SNX14: variants seen among roughly 807,000 people sequenced by gnomAD.
SNX14 encodes the protein sorting nexin 14, also known as sorting nexin-14.
SNX14 carries 93 observed loss-of-function variants against 133.8 expected under a neutral mutation model. The observed-to-expected ratio is 0.70, with a 90% CI of 0.59 to 0.83. SNX14 has a LOEUF of 0.83. Among genes scored for constraint, SNX14 ranks in the 40% least tolerant of loss-of-function variants. The probability of loss-of-function intolerance (pLI) is 0.00; values close to 1 mark genes in which losing one functional copy is unlikely to be tolerated. For missense variants in SNX14, 945 were observed against 1,094.9 expected (o/e 0.86, Z 1.93); for synonymous variants, 368 against 365.6 (o/e 1.01, Z -0.07).
chr6:85,518,051 G>T lies in SNX14; in HGVS notation c.2108-3C>A. ...AGGAACAGATTTTATAATTTTCCCTGCAATTAAAAGTAAAACATTATTTTA... is the reference window on the plus strand; with the variant it reads ...AGGAACAGATTTTATAATTTTCCCTTCAATTAAAAGTAAAACATTATTTTA... On this transcript the variant is annotated splice_region_variant and splice_polypyrimidine_tract_variant and intron_variant, in intron 21 of 28. Transcript: ENST00000314673. The T allele has an allele frequency of 1.2e-6, 2 of 1,600,202 alleles. No homozygotes were observed. Among genetic ancestry groups the T allele is most frequent in the Non-Finnish European group, 1.7e-6 (2 of 1,171,382 alleles).
Position 85,511,795 on chromosome 6 carries a change from G to A in SNX14, c.2653+2005C>T, listed in dbSNP as rs138220429. 1.8e-3 allele frequency among the ~76,000 whole-genome samples: 268 copies of A among 152,278 alleles called. 4 individuals are homozygous for A. The highest frequency in any genetic ancestry group is 6.3e-3 in the African/African-American group (263 of 41,570). Reference sequence around the variant, plus strand: ...AACATCCCTGCCATATCTGACTCTGGTTCTGATACTTGCTCTTTCTCGTCA... The same window carrying A: ...AACATCCCTGCCATATCTGACTCTGATTCTGATACTTGCTCTTTCTCGTCA... On this transcript the variant is annotated intron_variant, in intron 26 of 28. Transcript: ENST00000314673.
chr6:85,541,952 TCAGCAAGTTCAAAAA>T lies in SNX14; in HGVS notation c.1448+18_1448+32del. ...TGATGCTATCATAGAATGACTGGCA[TCAGCAAGTTCAAAAA>T]CAAAACATACAACCTACCTGTTCAA... On this transcript the variant is annotated intron_variant, in intron 15 of 28. Coordinates refer to ENST00000314673, the MANE Select transcript of SNX14 (RefSeq NM_153816.6). 1 of 1,540,550 alleles carries T rather than the reference TCAGCAAGTTCAAAAA, an allele frequency of 6.5e-7. No individual in the cohort carries two copies. Among genetic ancestry groups the T allele is most frequent in the South Asian group, 1.2e-5 (1 of 82,822 alleles).
At chr6:85,580,851 G>A (rs557598632) in intron 1 of SNX14, among the ~76,000 whole-genome samples, 1 of 152,242 alleles carries the variant, frequency 6.6e-6, no homozygotes, top group Admixed American at 6.5e-5. Context: ...ACACCAGGTA[G>A]ATTTCTAAGG....
chr6:85,511,972 G>A lies in SNX14; in HGVS notation c.2653+1828C>T, dbSNP rs1562180106. 2.6e-5 allele frequency among the ~76,000 whole-genome samples: 4 copies of A among 152,162 alleles called. No individual in the cohort carries two copies. The South Asian group carries it at 6.2e-4, about 24-fold the overall frequency. On this transcript the variant is annotated intron_variant, in intron 26 of 28. Transcript: ENST00000314673. ...GGAAGGGTTCTATAGTCCTAGGAGG[G>A]GGTCTCAATCTTTTAGTGAGCTTGT... is the stretch of plus-strand genomic sequence containing the variant.
At chr6:85,593,046 G>T (rs1490426215) in intron 1 of SNX14, among the ~76,000 whole-genome samples, 1 of 152,102 alleles carries the variant, frequency 6.6e-6, no homozygotes, top group African/African-American at 2.4e-5. Flanking sequence ...GTTGGGACGG[G>T]TACCACTTTG....
intron 18 of SNX14, among the ~76,000 whole-genome samples, chr6:85,532,989 C>T (rs376432913): frequency 6.6e-6 from 1 of 152,100 alleles, no homozygotes; most frequent in Admixed American, 6.6e-5. Flanking sequence ...CAGGTTGAAG[C>T]GATCTTCATG....
intron 20 of SNX14, 83 bp downstream of exon 20, chr6:85,528,179 G>T: frequency 1.2e-6 from 1 of 861,664 alleles, no homozygotes. Context: ...ATAAACCAAA[G>T]AACATATACA....
intron 5 of SNX14, among the ~76,000 whole-genome samples, chr6:85,566,388 G>A (rs2128171601): frequency 6.6e-6 from 1 of 152,018 alleles, no homozygotes; most frequent in South Asian, 2.1e-4. Context: ...TCAACTAGTA[G>A]CATTTTTTTT....
chr6:85,547,650 T>C (rs1269399726), intron 9 of SNX14, 100 bp from the exon 10 acceptor site: 1 of 1,081,860 alleles, frequency 9.2e-7, no homozygotes, highest in Non-Finnish European at 1.3e-6. Context: ...TCTAGAAAAA[T>C]GAAAAAATAA....
At chr6:85,517,334 T>C (rs999173902) in intron 23 of SNX14, among the ~76,000 whole-genome samples, 1 of 152,216 alleles carries the variant, frequency 6.6e-6, no homozygotes, top group African/African-American at 2.4e-5. Context: ...ATATTCCCAG[T>C]GCCTAGCACT....
intron 15 of SNX14, among the ~76,000 whole-genome samples, chr6:85,539,876 A>C (rs1783084607): frequency 6.6e-6 from 1 of 151,934 alleles, no homozygotes; most frequent in Admixed American, 6.6e-5. Context: ...AAAAGTAGCC[A>C]AGAAGGCTTT....
At position 85,572,390 on chromosome 6, in the gene SNX14, G is replaced by T; in HGVS notation, c.262-16C>A. 1 of 1,589,456 alleles carries T rather than the reference G, an allele frequency of 6.3e-7. No individual in the cohort carries two copies. Among genetic ancestry groups the T allele is most frequent in the South Asian group, 1.1e-5 (1 of 88,788 alleles). On this transcript the variant is annotated splice_polypyrimidine_tract_variant and intron_variant, in intron 2 of 28. Coordinates refer to ENST00000314673, the MANE Select transcript of SNX14 (RefSeq NM_153816.6). ...GTCCTAACTGCTAAAAAAGGAAAAT[G>T]AGAGGTGGTGGGGAGATCCATCTTT...
At chr6:85,554,355 T>C (rs1181310897) in intron 7 of SNX14, among the ~76,000 whole-genome samples, 3 of 152,022 alleles carry the variant, frequency 2.0e-5, no homozygotes, top group South Asian at 2.1e-4. Flanking sequence ...CTAAGAGCCA[T>C]GGAAGTACTT....
intron 15 of SNX14, among the ~76,000 whole-genome samples, chr6:85,541,441 T>C (rs1389391303): frequency 2.0e-5 from 3 of 152,216 alleles, no homozygotes; most frequent in African/African-American, 7.2e-5. Flanking sequence ...AATAGATTTA[T>C]AGATTTGATG....
At chr6:85,539,487 A>G (rs1782942378) in intron 15 of SNX14, among the ~76,000 whole-genome samples, 1 of 152,226 alleles carries the variant, frequency 6.6e-6, no homozygotes, top group Non-Finnish European at 1.5e-5. Flanking sequence ...AATGAAACAG[A>G]GAACATGATA....
At chr6:85,528,887 T>TA (rs748645910) in intron 19 of SNX14, among the ~76,000 whole-genome samples, 2 of 144,834 alleles carry the variant, frequency 1.4e-5, no homozygotes, top group Non-Finnish European at 3.1e-5. Flanking sequence ...CCATCTCTAC[T>TA]AAAAATACAA....
intron 12 of SNX14, among the ~76,000 whole-genome samples, chr6:85,544,356 A>T (rs896758027): frequency 2.1e-5 from 3 of 146,126 alleles, no homozygotes; most frequent in African/African-American, 7.5e-5. Flanking sequence ...AAAGGGAGTT[A>T]AAAAAAAAAA....
At chr6:85,526,427 T>A (rs1382478154) in intron 20 of SNX14, among the ~76,000 whole-genome samples, 190 bp from the exon 21 acceptor site, 1 of 152,212 alleles carries the variant, frequency 6.6e-6, no homozygotes, top group Non-Finnish European at 1.5e-5. Flanking sequence ...TAGTCAGATA[T>A]GAATGGGTTC....
chr6:85,507,907 C>A, intron 27 of SNX14, 61 bp downstream of exon 27: 18 of 1,319,278 alleles, frequency 1.4e-5, no homozygotes, highest in Non-Finnish European at 2.0e-5. Context: ...TTACCAGACA[C>A]CTTACTACGT....
Sources: gnomAD v4.1 joint callset for allele counts (sites outside exome capture counted in the v4.1 genomes callset) on GRCh38, gnomAD v4.1.1 for gene constraint, MANE v1.5 for transcripts, NCBI Gene and HGNC (gene_info 2026-07-23, HGNC 2026-07-21) for gene names.